The following LRBA variants were observed in gnomAD, a reference collection of about 807,000 sequenced individuals.
The protein encoded by LRBA is lipopolysaccharide-responsive and beige-like anchor protein.
A neutral mutation model predicts 330.0 loss-of-function variants in LRBA; 176 were observed. The observed-to-expected ratio is 0.53, with a 90% confidence interval of 0.47 to 0.60. LRBA has a LOEUF of 0.60. LRBA is among the 20% of genes least tolerant of loss of function. LRBA has a pLI of 0.00. For synonymous variants in LRBA, 1,230 were observed against 1,193.0 expected (o/e 1.03, Z -0.64); for missense variants, 3,259 against 3,444.8 (o/e 0.95, Z 1.35).
chr4:150,809,924 C>CGATAT (rs1363140872), intron 31 of LRBA, among the ~76,000 whole-genome samples: 6 of 150,096 alleles, frequency 4.0e-5, no homozygotes, highest in African/African-American at 1.3e-4. Flanking sequence ...CGATACGATA[C>CGATAT]GATACGATAC....
At chr4:150,678,986 A>C (rs1782817785) in intron 37 of LRBA, among the ~76,000 whole-genome samples, 1 of 152,126 alleles carries the variant, frequency 6.6e-6, no homozygotes, top group South Asian at 2.1e-4. Context: ...CATTGATATT[A>C]CTTATTTAGT....
chr4:150,890,761 A>C (rs896702804), intron 17 of LRBA, among the ~76,000 whole-genome samples: 3 of 152,234 alleles, frequency 2.0e-5, no homozygotes, highest in African/African-American at 7.2e-5. Flanking sequence ...GAAGTTATTC[A>C]CATGTAGTGA....
intron 53 of LRBA, among the ~76,000 whole-genome samples, chr4:150,295,359 C>G (rs769519378): frequency 4.6e-5 from 7 of 152,014 alleles, no homozygotes; most frequent in Non-Finnish European, 8.8e-5. Context: ...CCACACCCAG[C>G]TAATTTTTTT....
intron 48 of LRBA, among the ~76,000 whole-genome samples, chr4:150,332,587 T>C (rs1734125757): frequency 6.6e-6 from 1 of 152,176 alleles, no homozygotes; most frequent in Non-Finnish European, 1.5e-5. Context: ...TTAGGAGGGA[T>C]GCAGCTAAGA....
chr4:150,777,384 GA>G (rs10715024), intron 34 of LRBA, among the ~76,000 whole-genome samples: 19,831 of 149,128 alleles, frequency 0.13, 2,749 homozygotes, highest in African/African-American at 0.36. Context: ...AAAGAATAAA[GA>G]AAAAAAAAAT....
chr4:150,318,510 G>A (rs1732027216), intron 50 of LRBA, among the ~76,000 whole-genome samples: 1 of 152,106 alleles, frequency 6.6e-6, no homozygotes, highest in African/African-American at 2.4e-5. Context: ...AGGGATTTTT[G>A]ATGTTTGTTT....
chr4:150,911,136 C>G (rs140486049), intron 9 of LRBA, among the ~76,000 whole-genome samples: 212 of 152,266 alleles, frequency 1.4e-3, no homozygotes, highest in African/African-American at 4.8e-3. Context: ...CATACGCCAA[C>G]AGATGATTTT....
intron 40 of LRBA, among the ~76,000 whole-genome samples, chr4:150,544,376 C>G (rs1765634838): frequency 6.6e-6 from 1 of 152,154 alleles, no homozygotes. Context: ...GATACACCCA[C>G]CTTGGCCTCC....
At chr4:151,007,387 C>T (rs1389377537) in intron 2 of LRBA, among the ~76,000 whole-genome samples, 1 of 151,920 alleles carries the variant, frequency 6.6e-6, no homozygotes, top group African/African-American at 2.4e-5. Flanking sequence ...CACCTATAGT[C>T]CCAGCTACTT....
intron 40 of LRBA, chr4:150,584,156 C>G (rs2126405607): frequency 6.7e-7 from 1 of 1,494,482 alleles, no homozygotes. Flanking sequence ...CGTGCTCTCT[C>G]AGACACACAA....
chr4:150,270,454 T>C (rs1414703706), intron 56 of LRBA, among the ~76,000 whole-genome samples: 1 of 152,218 alleles, frequency 6.6e-6, no homozygotes, highest in African/African-American at 2.4e-5. Flanking sequence ...AAATATTGTA[T>C]GATTCCACTT....
At chr4:150,660,809 C>A (rs1298660306) in intron 37 of LRBA, among the ~76,000 whole-genome samples, 4 of 120,706 alleles carry the variant, frequency 3.3e-5, no homozygotes, top group African/African-American at 9.4e-5. Context: ...TGTGTCCACT[C>A]AGGGTTAAAT....
chr4:150,518,652 C>A (rs1011563913), intron 40 of LRBA, among the ~76,000 whole-genome samples: 1 of 152,124 alleles, frequency 6.6e-6, no homozygotes, highest in Non-Finnish European at 1.5e-5. Flanking sequence ...AGAATACAAA[C>A]CCTTTGAATT....
intron 36 of LRBA, among the ~76,000 whole-genome samples, chr4:150,720,059 A>G (rs575804720): frequency 4.6e-5 from 7 of 152,290 alleles, no homozygotes; most frequent in Non-Finnish European, 7.4e-5. Context: ...ATATTCTACA[A>G]AAATCAAACT....
intron 2 of LRBA, among the ~76,000 whole-genome samples, chr4:150,976,701 C>CACAGCACCTGGTTTTA (rs144079416): frequency 0.11 from 16,695 of 152,078 alleles, 1,291 homozygotes; most frequent in South Asian, 0.26. Flanking sequence ...GGTGAGCAAT[C>CACAGCACCTGGTTTTA]ACTTCGTATC....
intron 2 of LRBA, among the ~76,000 whole-genome samples, chr4:150,985,198 C>G (rs1380891461): frequency 1.3e-5 from 2 of 148,490 alleles, no homozygotes; most frequent in Non-Finnish European, 3.0e-5. Flanking sequence ...GTGGAGGTTG[C>G]AGTGAGCCAA....
chr4:150,622,299 G>C (rs1776370549), intron 37 of LRBA, among the ~76,000 whole-genome samples: 1 of 152,208 alleles, frequency 6.6e-6, no homozygotes, highest in Non-Finnish European at 1.5e-5. Context: ...AGCACTTTGG[G>C]AGGCTGAGGC....
rs1745069626 is a variant in LRBA, at chr4:150,264,549, T to TGTC, written c.*1170_*1172dup. On this transcript the variant is annotated 3_prime_UTR_variant, in exon 57 of 57. Coordinates refer to ENST00000651943, the MANE Select transcript of LRBA (RefSeq NM_001364905.1). ...AGATGCCATTTTATTCAGCTTTTTC[T>TGTC]GTCAAACTGAATTGTTCATTCCAAA... The TGTC allele has an allele frequency of 6.6e-6, 1 of 152,294 alleles. No individual in the cohort carries two copies. Among genetic ancestry groups the TGTC allele is most frequent in the Non-Finnish European group, 1.5e-5 (1 of 68,042 alleles). 9.4% of individuals were successfully genotyped at this position (152,294 alleles called of 1,614,324 possible).
At chr4:150,280,204 C>T (rs1747328817) in intron 55 of LRBA, among the ~76,000 whole-genome samples, 1 of 152,196 alleles carries the variant, frequency 6.6e-6, no homozygotes, top group Admixed American at 6.5e-5. Flanking sequence ...AGCACCTGAT[C>T]TCCCACTCAA....
Sources: allele counts gnomAD v4.1 joint callset (sites outside exome capture counted in the v4.1 genomes callset), GRCh38; gene constraint gnomAD v4.1.1; transcripts MANE v1.5; gene names NCBI Gene and HGNC (gene_info 2026-07-23, HGNC 2026-07-21).